The following PMEPA1 variants were observed in gnomAD, a reference collection of about 807,000 sequenced individuals.
PMEPA1 encodes prostate transmembrane protein, androgen induced 1, also known as protein TMEPAI.
In PMEPA1, 11 loss-of-function variants were observed where a neutral mutation model predicts 23.0. The ratio of observed to expected loss-of-function variants is 0.48; its 90% CI spans 0.30 to 0.79. The LOEUF (loss-of-function observed/expected upper bound fraction) is 0.79, where lower values mean the gene tolerates loss of function less well. PMEPA1 is among the 30% of genes least tolerant of loss of function. PMEPA1 has a pLI of 0.06. For missense variants in PMEPA1, 377 were observed against 390.9 expected, an observed-to-expected ratio of 0.96 and a Z score of 0.30; for synonymous variants, 204 against 166.4, an observed-to-expected ratio of 1.23 and a Z score of -1.74.
intron 1 of PMEPA1, among the ~76,000 whole-genome samples, chr20:57,693,389 C>T (rs558838021): frequency 3.3e-5 from 5 of 152,312 alleles, no homozygotes; most frequent in East Asian, 1.9e-4. Context: ...GCCCAGGATC[C>T]GAGACCTGCA....
rs754140174 is a variant in PMEPA1 at position 57,659,573 on chromosome 20, C to G, written c.234G>C (p.Gln78His). Residue 78 changes from glutamine (Q) to histidine (H), a missense_variant, in exon 2 of 4, where the codon CAG becomes CAC. Gln to His is a conservative substitution (Grantham distance 24). Coordinates refer to ENST00000341744, the MANE Select transcript of PMEPA1 (RefSeq NM_020182.5). ...ACAGGGCATCTTCTCTCCTCCGCCC[C>G]TGGCTGTGCCGGCTGATGAAGGACC... is the stretch of plus-strand genomic sequence containing the variant. ...SARSFISRHSQGRRREDALSS... is the reference protein window; with the variant it reads ...SARSFISRHSHGRRREDALSS... 5.0e-6 allele frequency: 8 copies of G among 1,613,964 alleles called. No individual in the cohort carries two copies. Among genetic ancestry groups the G allele is most frequent in the Non-Finnish European group, 6.8e-6 (8 of 1,179,966 alleles).
intron 1 of PMEPA1, among the ~76,000 whole-genome samples, chr20:57,673,121 T>C (rs947645669): frequency 3.3e-4 from 50 of 152,172 alleles, no homozygotes; most frequent in Non-Finnish European, 4.6e-4. Context: ...CCCCTGACTG[T>C]GGTCCAAGCC....
rs199763254 is a variant in PMEPA1, at chr20:57,700,810, C to T, written c.109+8664G>A. Among the ~76,000 whole-genome samples, 24 of 152,172 alleles carry T rather than the reference C, an allele frequency of 1.6e-4. 1 individual carries two copies. In the East Asian group the frequency reaches 4.5e-3, roughly 28 times the overall value. On this transcript the variant is annotated intron_variant, in intron 1 of 3. Coordinates refer to ENST00000341744, the MANE Select transcript of PMEPA1 (RefSeq NM_020182.5). ...TGGGAGGCTGAGGCGGGCAGATCACCGGAGGTCAGGAGTTTGAGACCAGCC... is the reference window on the plus strand; with the variant it reads ...TGGGAGGCTGAGGCGGGCAGATCACTGGAGGTCAGGAGTTTGAGACCAGCC...
chr20:57,703,361 G>A (rs1245575293), intron 1 of PMEPA1, among the ~76,000 whole-genome samples: 2 of 152,256 alleles, frequency 1.3e-5, no homozygotes, highest in East Asian at 1.9e-4. Context: ...ACCATCAGAA[G>A]CTTCTGGGCT....
chr20:57,659,554 C>A lies in PMEPA1; in HGVS notation c.253G>T (p.Ala85Ser). The change falls in exon 2 of 4, where the codon GCC becomes TCC. Residue 85 changes from alanine (A) to serine (S), a missense_variant. Around this residue, in one of 3 missense-constraint regions of PMEPA1, gnomAD observed 198 missense variants for 196.3 expected, o/e 1.01. Transcript: ENST00000341744. ...GGCGGGGCACTTACTGAGGACAGGG[C>A]ATCTTCTCTCCTCCGCCCCTGGCTG... ...RHSQGRRRED[A>S]LSSEGCLWPS... The A allele has an allele frequency of 6.2e-7, 1 of 1,613,962 alleles. No homozygotes were observed. The highest frequency in any genetic ancestry group is 8.5e-7 in the Non-Finnish European group (1 of 1,179,976).
chr20:57,652,021 T>A lies in PMEPA1; in HGVS notation c.*32A>T. 1 of 1,446,610 alleles carries A rather than the reference T, an allele frequency of 6.9e-7. No homozygotes were observed. Among genetic ancestry groups the A allele is most frequent in the South Asian group, 1.5e-5 (1 of 67,902 alleles). 89.6% of individuals were successfully genotyped at this position (1,446,610 alleles called of 1,614,324 possible). A position where few individuals can be genotyped will look rare whatever the true frequency, so the allele number is the denominator to read the frequency against. ...GCGCGGAGTGTTCTGCCTTTTCACC[T>A]ACGCAGCCCCAGCCCGGCCCCCCTG... On this transcript the variant is annotated 3_prime_UTR_variant, in exon 4 of 4. Coordinates refer to ENST00000341744, the MANE Select transcript of PMEPA1 (RefSeq NM_020182.5). The surrounding 1 kb of genome is among the most constrained non-coding windows in gnomAD (Gnocchi z 6.1).
At position 57,683,062 on chromosome 20, in the gene PMEPA1, A is replaced by C. The variant is rs1195120012; in HGVS notation, c.110-23365T>G. ...CAGACCTTTTTCAATGTCATCTCTC[A>C]CGCCGCAGTCTCCGGGGGCATTTAC... On this transcript the variant is annotated intron_variant, in intron 1 of 3. Coordinates refer to ENST00000341744, the MANE Select transcript of PMEPA1 (RefSeq NM_020182.5). This position sits in a 1 kb window ranked among gnomAD's most constrained non-coding sequence, Gnocchi z 4.3. 6.6e-6 allele frequency among the ~76,000 whole-genome samples: 1 copy of C among 152,194 alleles called. No homozygotes were observed. Among genetic ancestry groups the C allele is most frequent in the East Asian group, 1.9e-4 (1 of 5,192 alleles).
At chr20:57,658,477 G>A (rs541707621) in intron 2 of PMEPA1, among the ~76,000 whole-genome samples, 1 of 152,302 alleles carries the variant, frequency 6.6e-6, no homozygotes, top group South Asian at 2.1e-4. Context: ...CCAAACGCAG[G>A]GGGAATTTTG....
chr20:57,673,913 G>T (rs897728074), intron 1 of PMEPA1, among the ~76,000 whole-genome samples: 1 of 152,140 alleles, frequency 6.6e-6, no homozygotes, highest in African/African-American at 2.4e-5. Flanking sequence ...GACCCCAAGA[G>T]CAAATGGGGC....
chr20:57,674,268 C>G (rs111963641), intron 1 of PMEPA1, among the ~76,000 whole-genome samples: 5 of 152,200 alleles, frequency 3.3e-5, no homozygotes, highest in African/African-American at 4.8e-5. Context: ...TTCTCTCCCC[C>G]CTCCTTCCAT....
At chr20:57,710,189 G>A, upstream of PMEPA1, 1 of 505,040 alleles carries the variant, frequency 2.0e-6, no homozygotes, top group Non-Finnish European at 3.1e-6. Context: ...ACGTAGACCC[G>A]GCACCCGCGC....
chr20:57,668,278 G>A (rs1469649416), intron 1 of PMEPA1, among the ~76,000 whole-genome samples: 1 of 152,224 alleles, frequency 6.6e-6, no homozygotes, highest in Non-Finnish European at 1.5e-5. Context: ...TTGGGATAGA[G>A]GTTAACAGCA....
At position 57,709,721 on chromosome 20, in the gene PMEPA1, TCGC is replaced by T. The variant is rs2072143146; in HGVS notation, c.-142_-140del. 1.0e-6 allele frequency: 1 copy of T among 975,220 alleles called. No homozygotes were observed. Among genetic ancestry groups the T allele is most frequent in the Non-Finnish European group, 1.2e-6 (1 of 826,230 alleles). 60.4% of individuals were successfully genotyped at this position (975,220 alleles called of 1,614,324 possible). A position where few individuals can be genotyped will look rare whatever the true frequency, so the allele number is the denominator to read the frequency against. On this transcript the variant is annotated 5_prime_UTR_variant, in exon 1 of 4. Transcript: ENST00000341744. The stretch of plus-strand genomic sequence containing the variant: ...CGCGCCCCGGCTCGCCGGGCTCGGG[TCGC>T]CGCCAAGTTCCCGGGGCGCCGCGGG...
intron 1 of PMEPA1, among the ~76,000 whole-genome samples, chr20:57,675,197 G>A (rs1251405770): frequency 1.5e-4 from 21 of 136,262 alleles, no homozygotes; most frequent in Non-Finnish European, 1.5e-5. Flanking sequence ...AGAAGTTCAG[G>A]TGGCAAGGGC....
chr20:57,686,900 C>A (rs1351437387), intron 1 of PMEPA1, among the ~76,000 whole-genome samples: 1 of 152,258 alleles, frequency 6.6e-6, no homozygotes, highest in Non-Finnish European at 1.5e-5. Context: ...GGACAGTGCA[C>A]CAGGGAGATA....
rs866739456 is a variant in PMEPA1, at chr20:57,672,571, C to T, written c.110-12874G>A. Among the ~76,000 whole-genome samples, 55 of 152,212 alleles carry T rather than the reference C, an allele frequency of 3.6e-4. 1 individual carries two copies. Among genetic ancestry groups the T allele is most frequent in the African/African-American group, 1.3e-3 (54 of 41,460 alleles). On this transcript the variant is annotated intron_variant, in intron 1 of 3. Transcript: ENST00000341744. ...AGGGTCAGTCGGCGACGGGCACCGTCTGGAGGGGTCTCGCCGCTAACCCGG... is the reference window on the plus strand; with the variant it reads ...AGGGTCAGTCGGCGACGGGCACCGTTTGGAGGGGTCTCGCCGCTAACCCGG...
chr20:57,652,024 G>T lies in PMEPA1; in HGVS notation c.*29C>A. ...CGGAGTGTTCTGCCTTTTCACCTAC[G>T]CAGCCCCAGCCCGGCCCCCCTGGGG... On this transcript the variant is annotated 3_prime_UTR_variant, in exon 4 of 4. Transcript: ENST00000341744. The surrounding 1 kb of genome is among the most constrained non-coding windows in gnomAD (Gnocchi z 6.1). 6.9e-7 allele frequency: 1 copy of T among 1,448,616 alleles called. No homozygotes were observed. Among genetic ancestry groups the T allele is most frequent in the African/African-American group, 1.4e-5 (1 of 69,780 alleles). 89.7% of individuals were successfully genotyped at this position (1,448,616 alleles called of 1,614,324 possible). A position where few individuals can be genotyped will look rare whatever the true frequency, so the allele number is the denominator to read the frequency against.
intron 1 of PMEPA1, among the ~76,000 whole-genome samples, chr20:57,698,299 C>G (rs1392600936): frequency 6.6e-6 from 1 of 152,194 alleles, no homozygotes; most frequent in Non-Finnish European, 1.5e-5. Context: ...TCCATCATCT[C>G]AATACACCCG....
At chr20:57,666,132 A>G (rs2071489370) in intron 1 of PMEPA1, among the ~76,000 whole-genome samples, 1 of 151,942 alleles carries the variant, frequency 6.6e-6, no homozygotes, top group African/African-American at 2.4e-5. Flanking sequence ...AGGTCACTCT[A>G]ATTTAATTTA....
Sources: gnomAD v4.1 joint callset for allele counts (sites outside exome capture counted in the v4.1 genomes callset) on GRCh38, gnomAD v4.1.1 for gene constraint, gnomAD v4.1.1 regional missense constraint, Gnocchi (gnomAD v3.1) non-coding constraint, MANE v1.5 for transcripts, NCBI Gene and HGNC (gene_info 2026-07-23, HGNC 2026-07-21) for gene names.